METAP1: variants seen among roughly 807,000 people sequenced by gnomAD.
METAP1 encodes the protein methionyl aminopeptidase 1, also known as methionine aminopeptidase 1.
In METAP1, 28 loss-of-function variants were observed where a neutral mutation model predicts 53.8. The observed-to-expected ratio is 0.52, with a 90% CI of 0.39 to 0.71. The LOEUF (loss-of-function observed/expected upper bound fraction) is 0.71, where lower values mean the gene tolerates loss of function less well. Ranked by LOEUF, METAP1 falls within the 30% of genes least tolerant of loss-of-function variation. The pLI is 0.00. For synonymous variants in METAP1, 181 were observed against 165.7 expected (o/e 1.09, Z -0.71); for missense variants, 389 against 479.8 (o/e 0.81, Z 1.77).
intron 1 of METAP1, among the ~76,000 whole-genome samples, chr4:99,009,205 C>G (rs1723343836): frequency 6.6e-6 from 1 of 152,170 alleles, no homozygotes; most frequent in Non-Finnish European, 1.5e-5. Flanking sequence ...ACAGGATTTC[C>G]TTTGTAAGGC....
intron 1 of METAP1, among the ~76,000 whole-genome samples, chr4:98,999,835 T>A (rs964653342): frequency 7.9e-5 from 12 of 152,116 alleles, no homozygotes; most frequent in African/African-American, 2.2e-4. Context: ...TAAGGAAAGC[T>A]TTTGTTCTTT....
chr4:99,021,185 C>T (rs1724084090), intron 1 of METAP1, among the ~76,000 whole-genome samples: 1 of 152,164 alleles, frequency 6.6e-6, no homozygotes. Context: ...GAAGATAATC[C>T]ACATTCCTCT....
chr4:99,046,979 G>T (rs1726316517), intron 8 of METAP1, among the ~76,000 whole-genome samples: 1 of 147,718 alleles, frequency 6.8e-6, no homozygotes, highest in East Asian at 2.0e-4. Flanking sequence ...AAACCAGATA[G>T]TTAGAATGCT....
intron 1 of METAP1, among the ~76,000 whole-genome samples, chr4:99,017,847 C>T (rs547733463): frequency 4.6e-5 from 7 of 152,366 alleles, no homozygotes; most frequent in African/African-American, 1.7e-4. Context: ...GCAACTGGAT[C>T]TAAGACTTTG....
In METAP1 at chr4:99,018,375, T is replaced by C. The variant is rs115250344; in HGVS notation, c.115-10492T>C. ...ATCTTCTCCAGATATAAGTATGTCA[T>C]CCATATATAGGATTAATTGTAAATG... On this transcript the variant is annotated intron_variant, in intron 1 of 10. Transcript: ENST00000296411. Among the ~76,000 whole-genome samples the C allele has an allele frequency of 7.5e-3, 1,145 of 152,356 alleles. 11 individuals carry two copies. The highest frequency in any genetic ancestry group is 0.027 in the African/African-American group (1,102 of 41,582).
rs149800850 is a variant in METAP1 at position 99,022,920 on chromosome 4, C to T, written c.115-5947C>T. The T allele has an allele frequency of 7.0e-5, 105 of 1,501,782 alleles. 3 individuals carry two copies. In the Middle Eastern group the frequency reaches 1.0e-3, roughly 15 times the overall value. 93.0% of individuals were successfully genotyped at this position (1,501,782 alleles called of 1,614,324 possible). A position where few individuals can be genotyped will look rare whatever the true frequency, so the allele number is the denominator to read the frequency against. The stretch of plus-strand genomic sequence containing the variant: ...CTCAGCCTGAAAGAACGCATCTGAC[C>T]TCACCATAGGCACTGAGAAGGTTGC... On this transcript the variant is annotated intron_variant, in intron 1 of 10. Transcript: ENST00000296411.
chr4:98,996,180 C>T (rs1045442348), intron 1 of METAP1, among the ~76,000 whole-genome samples: 8 of 152,122 alleles, frequency 5.3e-5, no homozygotes, highest in African/African-American at 1.9e-4. Flanking sequence ...GCCGGTTCCC[C>T]GCGCTGGGGC....
intron 1 of METAP1, among the ~76,000 whole-genome samples, chr4:99,018,581 G>A (rs559715309): frequency 2.3e-4 from 35 of 152,304 alleles, no homozygotes; most frequent in Non-Finnish European, 4.4e-4. Flanking sequence ...TGCCCAGAAA[G>A]CATCCTTTAA....
At chr4:99,054,353 T>G (rs1010231799) in intron 9 of METAP1, among the ~76,000 whole-genome samples, 1 of 152,174 alleles carries the variant, frequency 6.6e-6, no homozygotes. Flanking sequence ...CTCTGCTAGC[T>G]TTCAACTTTT....
At chr4:99,018,739 A>G (rs937970624) in intron 1 of METAP1, among the ~76,000 whole-genome samples, 4 of 152,206 alleles carry the variant, frequency 2.6e-5, no homozygotes, top group African/African-American at 9.6e-5. Context: ...GCTTCCTGAC[A>G]GGTAGGATAA....
chr4:99,060,517 C>T (rs1194739028), intron 10 of METAP1, among the ~76,000 whole-genome samples: 4 of 152,012 alleles, frequency 2.6e-5, no homozygotes, highest in Admixed American at 6.6e-5. Context: ...GCGCCCAACA[C>T]CATGCCCGGG....
rs182246032 is a variant in METAP1, at chr4:99,001,305, A to G, written c.114+5438A>G. On this transcript the variant is annotated intron_variant, in intron 1 of 10. Transcript: ENST00000296411. ...GCCATAGCTTCTTATAAGCAAAAAG[A>G]TAGGATGAGGTAAAGAGAAATTATG... Among the ~76,000 whole-genome samples the G allele has an allele frequency of 8.3e-4, 127 of 152,380 alleles. 2 individuals are homozygous for G. Among genetic ancestry groups the G allele is most frequent in the African/African-American group, 2.7e-3 (112 of 41,596 alleles).
intron 1 of METAP1, chr4:99,026,178 T>C: frequency 1.1e-6 from 1 of 938,278 alleles, no homozygotes; most frequent in South Asian, 4.9e-5. Flanking sequence ...GACTGAGACC[T>C]GTCTCAGATA....
rs1416846825 is a variant in METAP1 at position 99,057,823 on chromosome 4, GA to G, written c.997+11del. ...TTGAGCCAATGATTTGTGAAGGTGA[GA>G]AAAAAGGATGCCATGATATTTTTCA... On this transcript the variant is annotated splice_donor_region_variant and intron_variant, in intron 10 of 10. Transcript: ENST00000296411. 2.5e-6 allele frequency: 4 copies of G among 1,585,878 alleles called. No individual in the cohort carries two copies. The highest frequency in any genetic ancestry group is 3.4e-6 in the Non-Finnish European group (4 of 1,164,786).
chr4:99,019,382 G>A (rs1723957093), intron 1 of METAP1, among the ~76,000 whole-genome samples: 1 of 152,174 alleles, frequency 6.6e-6, no homozygotes, highest in Admixed American at 6.5e-5. Context: ...CATGAGAGGA[G>A]GAATTTCCTC....
At chr4:98,997,787 T>A (rs187877964) in intron 1 of METAP1, among the ~76,000 whole-genome samples, 1 of 152,318 alleles carries the variant, frequency 6.6e-6, no homozygotes, top group African/African-American at 2.4e-5. Context: ...ATTTCTGGTA[T>A]CACTGTTAGA....
intron 8 of METAP1, 88 bp from the exon 9 acceptor site, chr4:99,048,645 C>G: frequency 7.2e-7 from 1 of 1,382,240 alleles, no homozygotes; most frequent in Non-Finnish European, 1.0e-6. Context: ...GCTGGGATTA[C>G]AGGCATGAGC....
At position 99,023,437 on chromosome 4, in the gene METAP1, A is replaced by G. The variant is rs767474947; in HGVS notation, c.115-5430A>G. 7.0e-5 allele frequency: 65 copies of G among 931,992 alleles called. No homozygotes were observed. The Middle Eastern group carries it at 1.6e-3, about 23-fold the overall frequency. The allele number at this position is 931,992 out of a possible 1,614,324, so 57.7% of individuals were successfully genotyped here. On this transcript the variant is annotated intron_variant, in intron 1 of 10. Coordinates refer to ENST00000296411, the MANE Select transcript of METAP1 (RefSeq NM_015143.3). ...TTATATATATGTTATATCTTGATAC[A>G]TACAAATCCTTTTAGTTACCAGGTG...
intron 2 of METAP1, chr4:99,031,781 GA>G (rs34094100): frequency 0.076 from 31,387 of 414,144 alleles, 3,382 homozygotes; most frequent in East Asian, 0.57. Flanking sequence ...CTGACCAGAG[GA>G]AGCAGCCTGC....
Sources: allele counts gnomAD v4.1 joint callset (sites outside exome capture counted in the v4.1 genomes callset), GRCh38; gene constraint gnomAD v4.1.1; transcripts MANE v1.5; gene names NCBI Gene and HGNC (gene_info 2026-07-23, HGNC 2026-07-21).